Variants in KCNMA1 observed in about 807,000 individuals in gnomAD.
KCNMA1 encodes the protein Calcium-activated potassium channel subunit alpha-1.
Under a neutral mutation model 140.0 loss-of-function variants are expected in KCNMA1, and 29 were observed. The ratio of observed to expected loss-of-function variants is 0.21; its 90% CI spans 0.15 to 0.28. The LOEUF is 0.28. Ranked by LOEUF, KCNMA1 falls within the 10% of genes least tolerant of loss-of-function variation. The probability of loss-of-function intolerance (pLI) is 1.00; values close to 1 mark genes in which losing one functional copy is unlikely to be tolerated. For synonymous variants in KCNMA1, 612 were observed against 611.9 expected (o/e 1.00, Z 0.00); for missense variants, 880 against 1,602.2 (o/e 0.55, Z 7.70).
At chr10:77,123,912 C>T (rs2097680439) in intron 5 of KCNMA1, among the ~76,000 whole-genome samples, 1 of 152,064 alleles carries the variant, frequency 6.6e-6, no homozygotes, top group African/African-American at 2.4e-5. Flanking sequence ...AGACTAATGG[C>T]CAGGGAGTGC....
intron 2 of KCNMA1, among the ~76,000 whole-genome samples, chr10:77,254,422 C>T (rs2154256370): frequency 6.6e-6 from 1 of 152,102 alleles, no homozygotes; most frequent in East Asian, 1.9e-4. Flanking sequence ...GGGGTTTCAC[C>T]ATGTTGGCCA....
chr10:77,195,951 A>T (rs989031056), intron 3 of KCNMA1, among the ~76,000 whole-genome samples: 4 of 152,290 alleles, frequency 2.6e-5, no homozygotes, highest in African/African-American at 4.8e-5. Context: ...TGTCTCAAAA[A>T]AAGAAAAATA....
chr10:77,483,254 C>G (rs2098422654), intron 1 of KCNMA1, among the ~76,000 whole-genome samples: 3 of 152,220 alleles, frequency 2.0e-5, no homozygotes, highest in African/African-American at 7.2e-5. Context: ...TCTGCTCCGA[C>G]CCTTCTCCTC....
chr10:77,633,099 A>G (rs2093384027), intron 1 of KCNMA1, among the ~76,000 whole-genome samples: 1 of 152,168 alleles, frequency 6.6e-6, no homozygotes. Flanking sequence ...GGCGAATCAC[A>G]AGGTCAGGAG....
At chr10:77,264,326 G>C (rs1036382399) in intron 2 of KCNMA1, among the ~76,000 whole-genome samples, 2 of 152,178 alleles carry the variant, frequency 1.3e-5, no homozygotes, top group African/African-American at 4.8e-5. Flanking sequence ...CTCTACATGT[G>C]TGGGGCATTT....
chr10:77,182,286 T>C (rs2098809213), intron 5 of KCNMA1, among the ~76,000 whole-genome samples: 1 of 152,216 alleles, frequency 6.6e-6, no homozygotes, highest in East Asian at 1.9e-4. Context: ...GGTCTATCAT[T>C]AGGGTTATGG....
intron 1 of KCNMA1, among the ~76,000 whole-genome samples, chr10:77,612,779 T>C (rs2087468735): frequency 6.6e-6 from 1 of 152,082 alleles, no homozygotes; most frequent in Non-Finnish European, 1.5e-5. Flanking sequence ...TGGAGGATGA[T>C]TCTCTACTCT....
chr10:77,239,136 T>C (rs2056516863), intron 3 of KCNMA1, among the ~76,000 whole-genome samples: 1 of 152,176 alleles, frequency 6.6e-6, no homozygotes, highest in Non-Finnish European at 1.5e-5. Context: ...ATTAATGCTG[T>C]TCTTTAAAGG....
chr10:77,433,491 T>C (rs545072406), intron 1 of KCNMA1: 2 of 152,364 alleles, frequency 1.3e-5, no homozygotes, highest in East Asian at 3.9e-4. Context: ...ATTCATGTTT[T>C]ATAGTTCAAG....
chr10:77,360,603 C>T lies in KCNMA1; in HGVS notation c.540+43259G>A, dbSNP rs142413732. Reference sequence around the variant, plus strand: ...TACTCCCCGGAGCACCTGGGACGACCGGCATCCTCTGCACTTCCAAGGCCT... The same window carrying T: ...TACTCCCCGGAGCACCTGGGACGACTGGCATCCTCTGCACTTCCAAGGCCT... On this transcript the variant is annotated intron_variant, in intron 2 of 27. Coordinates refer to ENST00000286628, the MANE Select transcript of KCNMA1 (RefSeq NM_001161352.2). Among the ~76,000 whole-genome samples the T allele has an allele frequency of 2.4e-3, 369 of 152,316 alleles. 3 individuals carry two copies. The highest frequency in any genetic ancestry group is 7.6e-3 in the African/African-American group (315 of 41,572).
At chr10:77,535,831 T>C (rs891742424) in intron 1 of KCNMA1, among the ~76,000 whole-genome samples, 2 of 152,104 alleles carry the variant, frequency 1.3e-5, no homozygotes, top group Non-Finnish European at 2.9e-5. Context: ...ATGTGGAAGC[T>C]AAAAAACTAT....
chr10:77,544,960 C>T (rs1306630838), intron 1 of KCNMA1, among the ~76,000 whole-genome samples: 1 of 152,130 alleles, frequency 6.6e-6, no homozygotes, highest in Non-Finnish European at 1.5e-5. Flanking sequence ...TCATGTGACC[C>T]TCATCTACCC....
rs929359818 is a variant in KCNMA1 at position 76,905,654 on chromosome 10, A to G, written c.3147+4312T>C. On this transcript the variant is annotated intron_variant, in intron 25 of 27. Transcript: ENST00000286628. ...TCTGTTTTTTTCAGTGTCAGCTTCA[A>G]TGTTACCTCCTAGGATAATTTTACT... 4.6e-5 allele frequency among the ~76,000 whole-genome samples: 7 copies of G among 152,020 alleles called. No homozygotes were observed. In the South Asian group the frequency reaches 1.5e-3, roughly 32 times the overall value.
intron 2 of KCNMA1, among the ~76,000 whole-genome samples, chr10:77,337,831 T>C (rs2089673061): frequency 6.6e-6 from 1 of 152,198 alleles, no homozygotes; most frequent in Non-Finnish European, 1.5e-5. Flanking sequence ...AAGTGGCATA[T>C]GTCCCATTTT....
At position 77,065,990 on chromosome 10, in the gene KCNMA1, G is replaced by A. The variant is rs190213125; in HGVS notation, c.1749+7107C>T. Among the ~76,000 whole-genome samples the A allele has an allele frequency of 1.8e-3, 281 of 152,264 alleles. 6 individuals are homozygous for A. Among genetic ancestry groups the A allele is most frequent in the Admixed American group, 0.018 (280 of 15,290 alleles). On this transcript the variant is annotated intron_variant, in intron 14 of 27. Transcript: ENST00000286628. ...CAAGGGAGTGTGGCTAACATAAGAA[G>A]CAGGAGAACACTCAGGACTTAAGCC...
chr10:77,243,131 G>A (rs1160482303), intron 3 of KCNMA1, among the ~76,000 whole-genome samples: 1 of 152,084 alleles, frequency 6.6e-6, no homozygotes, highest in Non-Finnish European at 1.5e-5. Flanking sequence ...TAAAAGACAA[G>A]GAAGAGTTCA....
At chr10:77,304,915 G>A (rs1451219900) in intron 2 of KCNMA1, among the ~76,000 whole-genome samples, 2 of 152,186 alleles carry the variant, frequency 1.3e-5, no homozygotes, top group Non-Finnish European at 2.9e-5. Flanking sequence ...TGCTGCTTGG[G>A]AAGTCAATAT....
rs531871331 is a variant in KCNMA1 at position 77,285,171 on chromosome 10, G to A, written c.541-33915C>T. 4.6e-5 allele frequency among the ~76,000 whole-genome samples: 7 copies of A among 152,254 alleles called. No homozygotes were observed. The East Asian group carries it at 1.2e-3, about 25-fold the overall frequency. ...TTTAAAGAAAGAAATAAATGCATTC[G>A]ACTGAGCAGAACATCATGTATATTT... On this transcript the variant is annotated intron_variant, in intron 2 of 27. Coordinates refer to ENST00000286628, the MANE Select transcript of KCNMA1 (RefSeq NM_001161352.2).
chr10:77,622,874 C>A (rs2091746538), intron 1 of KCNMA1, among the ~76,000 whole-genome samples: 1 of 152,168 alleles, frequency 6.6e-6, no homozygotes, highest in Non-Finnish European at 1.5e-5. Context: ...AAATGCAAGA[C>A]CTGAGGAGGA....
Sources: allele counts gnomAD v4.1 joint callset (sites outside exome capture counted in the v4.1 genomes callset), GRCh38; gene constraint gnomAD v4.1.1; transcripts MANE v1.5; gene names NCBI Gene and HGNC (gene_info 2026-07-23, HGNC 2026-07-21).